The following ANAPC1 variants were observed in gnomAD, a reference collection of about 807,000 sequenced individuals.
The protein encoded by ANAPC1 is anaphase promoting complex subunit 1.
In ANAPC1, 36 loss-of-function variants were observed where a neutral mutation model predicts 208.0. The ratio of observed to expected loss-of-function variants is 0.17; its 90% confidence interval spans 0.13 to 0.23. ANAPC1 has a LOEUF of 0.23. Among genes scored for constraint, ANAPC1 ranks in the 10% least tolerant of loss-of-function variants. The pLI, the probability that ANAPC1 is intolerant of heterozygous loss-of-function variation, is 1.00. For synonymous variants in ANAPC1, 378 were observed against 695.2 expected (o/e 0.54, Z 7.18); for missense variants, 942 against 2,011.6 (o/e 0.47, Z 10.17).
At position 111,794,903 on chromosome 2, in the gene ANAPC1, A is replaced by G; in HGVS notation, c.4297-9T>C. The G allele has an allele frequency of 1.8e-6, 2 of 1,099,758 alleles. No individual in the cohort carries two copies. The highest frequency in any genetic ancestry group is 2.6e-6 in the Non-Finnish European group (2 of 758,520). The allele number at this position is 1,099,758 out of a possible 1,614,324, so 68.1% of individuals were successfully genotyped here. A position where few individuals can be genotyped will look rare whatever the true frequency, so the allele number is the denominator to read the frequency against. ...CTATTTTCTCTTATAATCTGTCAAT[A>G]TAGAAAGCAAGAATACTTAGATATC... On this transcript the variant is annotated splice_polypyrimidine_tract_variant and intron_variant, in intron 34 of 47. Coordinates refer to ENST00000341068, the MANE Select transcript of ANAPC1 (RefSeq NM_022662.4).
chr2:111,858,193 G>A, intron 11 of ANAPC1, 113 bp downstream of exon 11: 5 of 705,330 alleles, frequency 7.1e-6, no homozygotes, highest in Non-Finnish European at 1.1e-5. Context: ...TTTATGACAT[G>A]TAAATTATTT....
intron 42 of ANAPC1, among the ~76,000 whole-genome samples, 187 bp downstream of exon 42, chr2:111,783,710 T>G (rs1408297042): frequency 6.6e-6 from 1 of 152,292 alleles, no homozygotes; most frequent in African/African-American, 2.4e-5. Flanking sequence ...ATTAAAACTT[T>G]CATTTTCTAA....
intron 20 of ANAPC1, among the ~76,000 whole-genome samples, chr2:111,831,709 T>C (rs1680143122): frequency 6.7e-6 from 1 of 149,530 alleles, no homozygotes; most frequent in Non-Finnish European, 1.5e-5. Context: ...GGCCTAGTGG[T>C]GCGCACCCGT....
At chr2:111,784,026 T>G (rs545775241) in intron 41 of ANAPC1, 62 bp from the exon 42 acceptor site, 1 of 732,012 alleles carries the variant, frequency 1.4e-6, no homozygotes, top group South Asian at 1.6e-5. Flanking sequence ...TCTGACAAAC[T>G]GAAACCTATG....
chr2:111,790,642 T>C (rs1677825397), intron 38 of ANAPC1, among the ~76,000 whole-genome samples: 3 of 151,996 alleles, frequency 2.0e-5, no homozygotes, highest in African/African-American at 7.2e-5. Flanking sequence ...ATATCTCCTT[T>C]TCTCTGGGTA....
At chr2:111,806,073 A>G (rs1323899905) in intron 29 of ANAPC1, among the ~76,000 whole-genome samples, 180 bp from the exon 30 acceptor site, 3 of 151,808 alleles carry the variant, frequency 2.0e-5, no homozygotes, top group Non-Finnish European at 2.9e-5. Flanking sequence ...ACCAAAAAAA[A>G]GGGCCCAAAA....
Position 111,834,776 on chromosome 2 carries a change from T to C in ANAPC1, c.2212A>G (p.Met738Val), listed in dbSNP as rs763336336. Reference sequence around the variant, plus strand: ...TTCTGTGAAAAATCCTCATCCTTCATCTGTGAAGCTTCTGAAGGACTCAGA... The same window carrying C: ...TTCTGTGAAAAATCCTCATCCTTCACCTGTGAAGCTTCTGAAGGACTCAGA... ...LCLSPSEASQ[M>V]KDEDFSQNLS... Residue 738 changes from methionine (M) to valine (V), a missense_variant, in exon 19 of 48, where the codon ATG (methionine) becomes GTG (valine). Met to Val is a conservative substitution (Grantham distance 21). Transcript: ENST00000341068. The C allele has an allele frequency of 2.5e-6, 4 of 1,613,286 alleles. No individual in the cohort carries two copies. Among genetic ancestry groups the C allele is most frequent in the South Asian group, 1.1e-5 (1 of 91,032 alleles).
chr2:111,831,950 C>T (rs1016528107), intron 20 of ANAPC1, among the ~76,000 whole-genome samples: 17 of 147,722 alleles, frequency 1.2e-4, no homozygotes, highest in African/African-American at 4.2e-4. Context: ...CTATTTTATC[C>T]CACCCTGGAT....
intron 43 of ANAPC1, among the ~76,000 whole-genome samples, chr2:111,780,922 T>C (rs1677238388): frequency 7.1e-6 from 1 of 141,506 alleles, no homozygotes. Flanking sequence ...AGATGGATGG[T>C]GGTGATGGTT....
In ANAPC1 at chr2:111,859,471, CAATA is replaced by C. The variant is rs369277541; in HGVS notation, c.1263-1074_1263-1071del. On this transcript the variant is annotated intron_variant, in intron 10 of 47. Coordinates refer to ENST00000341068, the MANE Select transcript of ANAPC1 (RefSeq NM_022662.4). The stretch of plus-strand genomic sequence containing the variant: ...GGGCAACAAGAGCGAAACTCTATCT[CAATA>C]AATAAATAAATAAATAAATAAATAG... Among the ~76,000 whole-genome samples the C allele has an allele frequency of 9.4e-4, 142 of 151,060 alleles. 2 individuals carry two copies. The highest frequency in any genetic ancestry group is 1.1e-3 in the Admixed American group (17 of 15,128).
chr2:111,790,817 G>C (rs1387332065), intron 38 of ANAPC1, among the ~76,000 whole-genome samples: 1 of 152,142 alleles, frequency 6.6e-6, no homozygotes, highest in Non-Finnish European at 1.5e-5. Flanking sequence ...TTAGGACATA[G>C]TTTAAAGAAT....
At position 111,856,858 on chromosome 2, in the gene ANAPC1, T is replaced by C; in HGVS notation, c.1387A>G (p.Lys463Glu). Reference protein sequence around the residue: ...RCVKFQESNDKTQLIFGSVTN... With the variant: ...RCVKFQESNDETQLIFGSVTN... The stretch of plus-strand genomic sequence containing the variant: ...ACTGAACCAAAGATGAGCTGGGTTT[T>C]ATCATTACTCTCTTGAAACTTTACA... Residue 463 changes from lysine (K) to glutamate (E), a missense_variant, in exon 12 of 48, where the codon AAA (lysine) becomes GAA (glutamate). Coordinates refer to ENST00000341068, the MANE Select transcript of ANAPC1 (RefSeq NM_022662.4). 1 of 1,612,234 alleles carries C rather than the reference T, an allele frequency of 6.2e-7. No homozygotes were observed. Among genetic ancestry groups the C allele is most frequent in the Non-Finnish European group, 8.5e-7 (1 of 1,179,846 alleles).
In ANAPC1 at chr2:111,792,564, T is replaced by C. The variant is rs576922362; in HGVS notation, c.4519-9A>G. The stretch of plus-strand genomic sequence containing the variant: ...AGGTTATGAGGACCTGTCTGTCAGG[T>C]GAAGAGATGACATCACTGTAACTGT... On this transcript the variant is annotated splice_polypyrimidine_tract_variant and intron_variant, in intron 37 of 47. Transcript: ENST00000341068. 6.2e-7 allele frequency: 1 copy of C among 1,609,122 alleles called. No individual in the cohort carries two copies. Among genetic ancestry groups the C allele is most frequent in the Admixed American group, 1.7e-5 (1 of 58,888 alleles).
chr2:111,779,687 A>T (rs1439582650), intron 44 of ANAPC1: 10 of 153,500 alleles, frequency 6.5e-5, no homozygotes, highest in East Asian at 1.9e-4. Flanking sequence ...AAATTTTTTT[A>T]AAAAAGTAGC....
chr2:111,794,409 C>G, intron 35 of ANAPC1, 86 bp from the exon 36 acceptor site: 2 of 771,642 alleles, frequency 2.6e-6, no homozygotes, highest in East Asian at 6.4e-5. Context: ...TTCCAGTTCT[C>G]TAAGCTAGTT....
rs1229240655 is a variant in ANAPC1 at position 111,856,530 on chromosome 2, A to G, written c.1515+84T>C. ...CAGACAGGAACATAACAAATTTAAA[A>G]TATCAATCTAAAGTAACATTACAAA... On this transcript the variant is annotated intron_variant, in intron 13 of 47. Transcript: ENST00000341068. 42 of 1,324,282 alleles carry G rather than the reference A, an allele frequency of 3.2e-5. No individual in the cohort carries two copies. In the South Asian group the frequency reaches 4.0e-4, roughly 12 times the overall value. The allele number at this position is 1,324,282 out of a possible 1,614,324, so 82.0% of individuals were successfully genotyped here.
chr2:111,839,631 G>C (rs1049428593), intron 17 of ANAPC1, among the ~76,000 whole-genome samples: 2 of 152,134 alleles, frequency 1.3e-5, no homozygotes, highest in Non-Finnish European at 2.9e-5. Flanking sequence ...CTTGTGAAGC[G>C]TTCAAATAAA....
chr2:111,833,343 T>C (rs758971328), intron 19 of ANAPC1, 32 bp from the exon 20 acceptor site: 2 of 1,542,392 alleles, frequency 1.3e-6, no homozygotes, highest in Non-Finnish European at 1.8e-6. Context: ...AAAAAGAAGG[T>C]ATTACAGCAC....
At chr2:111,848,076 A>G (rs1184028484) in intron 14 of ANAPC1, among the ~76,000 whole-genome samples, 1 of 151,496 alleles carries the variant, frequency 6.6e-6, no homozygotes, top group Non-Finnish European at 1.5e-5. Context: ...TAAGCCTAGG[A>G]ATTTGAGGCT....
Sources: allele counts gnomAD v4.1 joint callset (sites outside exome capture counted in the v4.1 genomes callset), GRCh38; gene constraint gnomAD v4.1.1; transcripts MANE v1.5; gene names NCBI Gene and HGNC (gene_info 2026-07-23, HGNC 2026-07-21).